Variants in PRSS3 observed in about 807,000 individuals in gnomAD.
PRSS3 encodes trypsin-3.
In PRSS3, 14 loss-of-function variants were observed where a neutral mutation model predicts 20.8. That is an observed-to-expected ratio of 0.67 (90% CI 0.44 to 1.05). PRSS3 has a LOEUF of 1.05. PRSS3 is among the 50% of genes least tolerant of loss of function. PRSS3 has a pLI of 0.00. For missense variants in PRSS3, 237 were observed against 306.4 expected, an observed-to-expected ratio of 0.77 and a Z score of 1.69; for synonymous variants, 91 against 117.6, an observed-to-expected ratio of 0.77 and a Z score of 1.46.
At chr9:33,771,339 A>T (rs1477638208) in intron 1 of PRSS3, among the ~76,000 whole-genome samples, 1 of 148,432 alleles carries the variant, frequency 6.7e-6, no homozygotes, top group Non-Finnish European at 1.5e-5. Context: ...ATGTTTTGAG[A>T]TGGAGTCTTG....
chr9:33,789,716 G>A lies in PRSS3; in HGVS notation c.-52-5030G>A, dbSNP rs576481668. On this transcript the variant is annotated intron_variant, in intron 1 of 5. Transcript: ENST00000342836. ...CTGCTCGATGCTCCCATTACCATAG[G>A]AAGTTGACAAATTTACCTACAGTGA... Among the ~76,000 whole-genome samples the A allele has an allele frequency of 6.6e-5, 10 of 152,250 alleles. No individual in the cohort carries two copies. The Middle Eastern group carries it at 0.01, about 156-fold the overall frequency.
intron 1 of PRSS3, among the ~76,000 whole-genome samples, chr9:33,754,167 G>A (rs1190823875): frequency 6.6e-6 from 1 of 151,804 alleles, no homozygotes; most frequent in Non-Finnish European, 1.5e-5. Flanking sequence ...CGCTTCCCAG[G>A]GTTCAAGTGA....
chr9:33,794,797 C>A, upstream of PRSS3: 2 of 1,548,834 alleles, frequency 1.3e-6, no homozygotes, highest in Non-Finnish European at 1.7e-6. Context: ...ACAGGATGCA[C>A]ATGAGAGAGA....
chr9:33,751,466 A>G (rs1249457416), intron 1 of PRSS3, among the ~76,000 whole-genome samples: 1 of 152,210 alleles, frequency 6.6e-6, no homozygotes, highest in Middle Eastern at 3.2e-3. Flanking sequence ...ATCCAGCCCT[A>G]GAGGGAAGAA....
chr9:33,792,102 T>C (rs1824657847), upstream of PRSS3, among the ~76,000 whole-genome samples: 1 of 152,074 alleles, frequency 6.6e-6, no homozygotes, highest in African/African-American at 2.4e-5. Context: ...ATTCCTGGGA[T>C]GAGATAGTAA....
intron 1 of PRSS3, among the ~76,000 whole-genome samples, chr9:33,754,879 G>A (rs1054805195): frequency 6.6e-6 from 1 of 152,160 alleles, no homozygotes; most frequent in Non-Finnish European, 1.5e-5. Flanking sequence ...AATAAGGCAG[G>A]GGGGAGAATG....
intron 2 of PRSS3, 149 bp downstream of exon 2, chr9:33,796,951 A>T: frequency 7.6e-7 from 1 of 1,311,500 alleles, no homozygotes; most frequent in Non-Finnish European, 1.1e-6. Flanking sequence ...TCTCCAGAGC[A>T]AGGCCAATCC....
Position 33,750,990 on chromosome 9 carries a change from C to G in PRSS3, c.-53+263C>G. 1.4e-6 allele frequency: 1 copy of G among 739,336 alleles called. No individual in the cohort carries two copies. Among genetic ancestry groups the G allele is most frequent in the Non-Finnish European group, 1.9e-6 (1 of 521,722 alleles). 45.8% of individuals were successfully genotyped at this position (739,336 alleles called of 1,614,324 possible). The stretch of plus-strand genomic sequence containing the variant: ...TGGGGCCCCCTCCGGGCTGCGGCAC[C>G]GATGCGCACACTACTCCCACCGCCC... On this transcript the variant is annotated intron_variant, in intron 1 of 5. Transcript: ENST00000342836. The surrounding 1 kb of genome is among the most constrained non-coding windows in gnomAD (Gnocchi z 4.8).
chr9:33,791,152 G>A (rs548675709), upstream of PRSS3, among the ~76,000 whole-genome samples: 1 of 152,350 alleles, frequency 6.6e-6, no homozygotes, highest in East Asian at 1.9e-4. Context: ...TATTTGAATA[G>A]AAAGGTACAC....
intron 1 of PRSS3, among the ~76,000 whole-genome samples, chr9:33,775,938 A>G (rs1411101171): frequency 6.6e-6 from 1 of 152,142 alleles, no homozygotes; most frequent in Non-Finnish European, 1.5e-5. Context: ...TCCTGACCTC[A>G]AGTGATCTAC....
intron 1 of PRSS3, chr9:33,786,948 T>C: frequency 1.7e-6 from 1 of 591,788 alleles, no homozygotes; most frequent in Non-Finnish European, 3.0e-6. Flanking sequence ...CCACAGCTCT[T>C]GGGTAGACAC....
chr9:33,762,945 G>A (rs1195250662), intron 1 of PRSS3, among the ~76,000 whole-genome samples: 1 of 152,160 alleles, frequency 6.6e-6, no homozygotes, highest in Non-Finnish European at 1.5e-5. Context: ...TTTCAGGTAA[G>A]CCTCACAGGA....
intron 1 of PRSS3, among the ~76,000 whole-genome samples, chr9:33,763,730 T>C (rs1412354445): frequency 6.7e-6 from 1 of 148,352 alleles, no homozygotes; most frequent in Non-Finnish European, 1.5e-5. Flanking sequence ...GTGGAAATGA[T>C]ATAGGGTAAA....
intron 1 of PRSS3, among the ~76,000 whole-genome samples, chr9:33,765,618 G>A (rs184589340): frequency 1.3e-5 from 2 of 152,332 alleles, no homozygotes; most frequent in East Asian, 3.9e-4. Context: ...TTTACTAAGT[G>A]ACTAATGGTT....
chr9:33,763,481 C>T (rs369647323), intron 1 of PRSS3, among the ~76,000 whole-genome samples: 6 of 152,132 alleles, frequency 3.9e-5, no homozygotes, highest in East Asian at 1.9e-4. Context: ...AGGCGGATCA[C>T]GAGGTCAGGA....
intron 1 of PRSS3, chr9:33,762,116 A>G (rs2118809214): frequency 6.6e-6 from 1 of 152,318 alleles, no homozygotes; most frequent in Admixed American, 6.5e-5. Flanking sequence ...AGAGAGAGAC[A>G]TCGGGGCTCA....
intron 1 of PRSS3, among the ~76,000 whole-genome samples, chr9:33,774,743 T>A (rs1823846793): frequency 6.6e-6 from 1 of 152,052 alleles, no homozygotes; most frequent in South Asian, 2.1e-4. Context: ...CCCAGCACTT[T>A]GGGAGGCCGA....
intron 1 of PRSS3, among the ~76,000 whole-genome samples, chr9:33,771,873 C>CTTTTTT (rs74178902): frequency 1.6e-5 from 2 of 128,298 alleles, no homozygotes; most frequent in African/African-American, 5.8e-5. Flanking sequence ...TCTTTCTTTT[C>CTTTTTT]TTTTTTTTTT....
chr9:33,756,316 T>C (rs1822946462), intron 1 of PRSS3, among the ~76,000 whole-genome samples: 1 of 152,202 alleles, frequency 6.6e-6, no homozygotes, highest in Non-Finnish European at 1.5e-5. Flanking sequence ...TGGGCATTTG[T>C]AGGGTTTTCT....
Sources: gnomAD v4.1 joint callset for allele counts (sites outside exome capture counted in the v4.1 genomes callset) on GRCh38, gnomAD v4.1.1 for gene constraint, Gnocchi (gnomAD v3.1) non-coding constraint, MANE v1.5 for transcripts, NCBI Gene and HGNC (gene_info 2026-07-23, HGNC 2026-07-21) for gene names.